SSBP4: variants seen among roughly 807,000 people sequenced by gnomAD.
The protein encoded by SSBP4 is single stranded DNA binding protein 4, also known as single-stranded DNA-binding protein 4.
A neutral mutation model predicts 64.6 loss-of-function variants in SSBP4; 33 were observed. That is an observed-to-expected ratio of 0.51 (90% CI 0.39 to 0.68). The LOEUF (loss-of-function observed/expected upper bound fraction) is 0.68, where lower values mean the gene tolerates loss of function less well. Ranked by LOEUF, SSBP4 falls within the 30% of genes least tolerant of loss-of-function variation. The pLI is 0.00. For synonymous variants in SSBP4, 243 were observed against 224.0 expected (o/e 1.08, Z -0.76); for missense variants, 583 against 566.8 (o/e 1.03, Z -0.29).
At chr19:18,414,633 G>A (rs911874034), upstream of SSBP4, among the ~76,000 whole-genome samples, 14 of 152,210 alleles carry the variant, frequency 9.2e-5, no homozygotes, top group South Asian at 2.1e-4. Flanking sequence ...ATGTGTGGCC[G>A]GTGAAAGCCA....
In SSBP4 at chr19:18,426,842, G is replaced by T. The variant is rs1972890352; in HGVS notation, c.60-509G>T. Among the ~76,000 whole-genome samples the T allele has an allele frequency of 6.6e-6, 1 of 152,150 alleles. No individual in the cohort carries two copies. Among genetic ancestry groups the T allele is most frequent in the South Asian group, 2.1e-4 (1 of 4,834 alleles). ...CTGACTGGGGACAGTCTGCAGAAAG[G>T]GTTGAGGCCACCATGGTGGATGGGC... On this transcript the variant is annotated intron_variant, in intron 1 of 17. Transcript: ENST00000270061. This position sits in a 1 kb window ranked among gnomAD's most constrained non-coding sequence, Gnocchi z 4.5.
At chr19:18,411,959 T>C in the SSBP4 span, among the ~76,000 whole-genome samples, 1 of 151,718 alleles carries the variant, frequency 6.6e-6, no homozygotes, top group Non-Finnish European at 1.5e-5. Flanking sequence ...AGGCCAGGAG[T>C]TCGAGACCAA....
chr19:18,430,541 G>A (rs985874622), intron 4 of SSBP4, among the ~76,000 whole-genome samples: 1 of 152,134 alleles, frequency 6.6e-6, no homozygotes, highest in African/African-American at 2.4e-5. Context: ...TATTTGGGGG[G>A]TCCTGAGTAG....
chr19:18,409,678 C>G, the SSBP4 span, among the ~76,000 whole-genome samples: 1 of 152,106 alleles, frequency 6.6e-6, no homozygotes, highest in Non-Finnish European at 1.5e-5. Context: ...TCCACCACAT[C>G]CAGCTAATTT....
the SSBP4 span, among the ~76,000 whole-genome samples, chr19:18,409,502 T>C: frequency 6.6e-6 from 1 of 152,166 alleles, no homozygotes; most frequent in Non-Finnish European, 1.5e-5. Flanking sequence ...CATTCTTTTA[T>C]TATTTTACTT....
chr19:18,407,903 C>T, the SSBP4 span, among the ~76,000 whole-genome samples: 2 of 152,180 alleles, frequency 1.3e-5, no homozygotes, highest in East Asian at 1.9e-4. Flanking sequence ...CCACCACACC[C>T]GCCTAATTTT....
chr19:18,409,187 CTTT>C, the SSBP4 span, among the ~76,000 whole-genome samples: 89 of 134,988 alleles, frequency 6.6e-4, no homozygotes, highest in Admixed American at 8.9e-4. Context: ...AGTGGCCATT[CTTT>C]TTTTTTTTTT....
chr19:18,412,225 G>A, the SSBP4 span, among the ~76,000 whole-genome samples: 1 of 152,018 alleles, frequency 6.6e-6, no homozygotes, highest in Non-Finnish European at 1.5e-5. Context: ...CACTTTGGGA[G>A]GCTGAGGTGG....
chr19:18,432,213 A>C lies in SSBP4; in HGVS notation c.703A>C (p.Met235Leu), dbSNP rs974852721. The change falls in exon 10 of 18, where the codon ATG becomes CTG. Residue 235 changes from methionine to leucine, a missense_variant and splice_region_variant. Physicochemically the swap from Met to Leu is conservative, Grantham distance 15. This residue lies in a region of SSBP4 where 444 missense variants were observed against 386.6 expected (regional missense o/e 1.15). Transcript: ENST00000270061. ...LAGPGLPAMN[M>L]GPGVRGPWAS... ...CGGCCCAGGCCTGCCTGCCATGAAC[A>C]TGTAAGACCCTGGGGGATCCTAGGA... 6.2e-7 allele frequency: 1 copy of C among 1,612,924 alleles called. No homozygotes were observed. The highest frequency in any genetic ancestry group is 8.5e-7 in the Non-Finnish European group (1 of 1,179,936).
chr19:18,411,934 C>T, the SSBP4 span, among the ~76,000 whole-genome samples: 4 of 152,136 alleles, frequency 2.6e-5, no homozygotes, highest in African/African-American at 7.2e-5. Flanking sequence ...GAGGCTGAGG[C>T]GAGAGGATCG....
At chr19:18,415,058 C>T (rs137924818), upstream of SSBP4, among the ~76,000 whole-genome samples, 1 of 151,082 alleles carries the variant, frequency 6.6e-6, no homozygotes, top group East Asian at 2.0e-4. Flanking sequence ...AGGCCCAGCT[C>T]CTCCCACCCC....
chr19:18,413,762 A>G, the SSBP4 span, among the ~76,000 whole-genome samples: 1 of 151,874 alleles, frequency 6.6e-6, no homozygotes, highest in Non-Finnish European at 1.5e-5. Flanking sequence ...CACACCTGTA[A>G]TCGCAGCACT....
the SSBP4 span, among the ~76,000 whole-genome samples, chr19:18,406,975 C>T: frequency 2.0e-5 from 3 of 152,174 alleles, no homozygotes; most frequent in Non-Finnish European, 4.4e-5. Flanking sequence ...ACCTAGGACC[C>T]GCACCTCAAC....
At position 18,433,333 on chromosome 19, in the gene SSBP4, C is replaced by T. The variant is rs1973634880; in HGVS notation, c.991+120C>T. 5 of 1,372,786 alleles carry T rather than the reference C, an allele frequency of 3.6e-6. No homozygotes were observed. In the South Asian group the frequency reaches 6.7e-5, roughly 18 times the overall value. The allele number at this position is 1,372,786 out of a possible 1,614,324, so 85.0% of individuals were successfully genotyped here. ...GGCGTCTAGTGGCGTCCTGAGCCCC[C>T]CGGGGGCCGCTCAGTGACAGGGGCT... On this transcript the variant is annotated intron_variant, in intron 15 of 17. Transcript: ENST00000270061.
At chr19:18,408,281 T>G in the SSBP4 span, among the ~76,000 whole-genome samples, 1 of 152,110 alleles carries the variant, frequency 6.6e-6, no homozygotes, top group African/African-American at 2.4e-5. Context: ...CTCCGCTCCC[T>G]CCACCCTCAG....
At chr19:18,421,412 A>G (rs1972459159) in intron 1 of SSBP4, among the ~76,000 whole-genome samples, 1 of 152,210 alleles carries the variant, frequency 6.6e-6, no homozygotes, top group South Asian at 2.1e-4. Flanking sequence ...GTGTGTCTCC[A>G]GGCAGCTGCT....
chr19:18,434,033 C>G, intron 17 of SSBP4, 184 bp from the exon 18 acceptor site: 1 of 1,298,868 alleles, frequency 7.7e-7, no homozygotes, highest in Non-Finnish European at 9.8e-7. Context: ...TCCGCCCCCA[C>G]CCCGGGACCC....
chr19:18,413,198 G>C, the SSBP4 span, among the ~76,000 whole-genome samples: 1 of 150,914 alleles, frequency 6.6e-6, no homozygotes, highest in Non-Finnish European at 1.5e-5. Context: ...GTGGACGTGG[G>C]GGAGGGACGA....
At chr19:18,417,711 AGGGGCGGCC>A (rs1972174614), upstream of SSBP4, among the ~76,000 whole-genome samples, 1 of 152,112 alleles carries the variant, frequency 6.6e-6, no homozygotes, top group African/African-American at 2.4e-5. This position sits in a 1 kb window ranked among gnomAD's most constrained non-coding sequence, Gnocchi z 5.4. Context: ...AGCTGGGGGA[AGGGGCGGCC>A]GGCTGGACAG....
Sources: allele counts gnomAD v4.1 joint callset (sites outside exome capture counted in the v4.1 genomes callset), GRCh38; gene constraint gnomAD v4.1.1; regional missense constraint gnomAD v4.1.1; non-coding constraint Gnocchi (gnomAD v3.1); transcripts MANE v1.5; gene names NCBI Gene and HGNC (gene_info 2026-07-23, HGNC 2026-07-21).